Variants in OR2L13 observed in about 807,000 individuals in gnomAD.
OR2L13 encodes olfactory receptor 2L13.
In OR2L13, 14 loss-of-function variants were observed where a neutral mutation model predicts 15.3. The ratio of observed to expected loss-of-function variants is 0.91; its 90% confidence interval spans 0.60 to 1.43. The LOEUF is 1.43. Ranked by LOEUF, OR2L13 falls within the 40% of genes most tolerant of loss-of-function variation. OR2L13 has a pLI of 0.00. For missense variants in OR2L13, 367 were observed against 387.9 expected (o/e 0.95, Z 0.45); for synonymous variants, 152 against 142.9 (o/e 1.06, Z -0.45).
the OR2L13 span, chr1:248,021,928 A>G: frequency 6.3e-6 from 10 of 1,590,416 alleles, no homozygotes; most frequent in Non-Finnish European, 8.6e-6. Context: ...TCCCTTCAGG[A>G]AGGATCGTAT....
the OR2L13 span, among the ~76,000 whole-genome samples, chr1:248,025,745 T>G: frequency 6.6e-6 from 1 of 151,316 alleles, no homozygotes; most frequent in African/African-American, 2.5e-5. Flanking sequence ...GTGGCACATA[T>G]ACACCATGGA....
chr1:248,063,793 CGTGTGTGT>C, the OR2L13 span, among the ~76,000 whole-genome samples: 12 of 146,604 alleles, frequency 8.2e-5, no homozygotes, highest in African/African-American at 1.6e-4. Context: ...AAGATGTGTG[CGTGTGTGT>C]GTGTGTGTGT....
chr1:247,984,984 AT>A, the OR2L13 span, among the ~76,000 whole-genome samples: 1 of 152,002 alleles, frequency 6.6e-6, no homozygotes, highest in African/African-American at 2.4e-5. Flanking sequence ...TTCATACAAT[AT>A]TTGCCTCTTC....
At chr1:248,084,167 G>A in the OR2L13 span, 5 of 1,611,658 alleles carry the variant, frequency 3.1e-6, no homozygotes, top group Non-Finnish European at 4.2e-6. Context: ...AGGACGACAT[G>A]GTCATCCTCA....
chr1:247,946,133 G>A, the OR2L13 span, among the ~76,000 whole-genome samples: 1 of 152,084 alleles, frequency 6.6e-6, no homozygotes, highest in South Asian at 2.1e-4. Flanking sequence ...TAAAATGAGA[G>A]TGCAATTTTC....
the OR2L13 span, among the ~76,000 whole-genome samples, chr1:248,049,702 A>G: frequency 6.6e-6 from 1 of 152,306 alleles, no homozygotes; most frequent in Admixed American, 6.5e-5. Flanking sequence ...TACTTTCTCA[A>G]TTATTTAACA....
At chr1:247,975,461 T>A in the OR2L13 span, 1 of 780,452 alleles carries the variant, frequency 1.3e-6, no homozygotes, top group Non-Finnish European at 2.3e-6. Flanking sequence ...CTCACTGTAG[T>A]AATTTTCTAC....
chr1:247,965,471 C>G, the OR2L13 span: 2 of 1,613,826 alleles, frequency 1.2e-6, no homozygotes, highest in African/African-American at 2.7e-5. Flanking sequence ...GTCGTCATTG[C>G]CACCCTCTTT....
the OR2L13 span, chr1:248,022,923 A>G: frequency 3.2e-6 from 5 of 1,554,858 alleles, no homozygotes; most frequent in Admixed American, 5.7e-5. Flanking sequence ...CGCTAGGTTC[A>G]TATCAACTCA....
the OR2L13 span, chr1:248,003,469 C>G: frequency 6.2e-7 from 1 of 1,609,178 alleles, no homozygotes; most frequent in East Asian, 2.2e-5. Context: ...AAGCGCTACT[C>G]CTGATATCAA....
the OR2L13 span, among the ~76,000 whole-genome samples, chr1:248,056,801 C>T: frequency 2.7e-4 from 41 of 151,688 alleles, no homozygotes; most frequent in African/African-American, 5.8e-4. Context: ...GTACACGCCA[C>T]CATACTCGGC....
the OR2L13 span, among the ~76,000 whole-genome samples, chr1:248,020,417 T>C: frequency 6.6e-6 from 1 of 152,160 alleles, no homozygotes; most frequent in African/African-American, 2.4e-5. Context: ...TCAGCAGTTC[T>C]ATTCACCAAC....
the OR2L13 span, chr1:247,991,129 A>G: frequency 3.1e-6 from 5 of 1,606,452 alleles, no homozygotes; most frequent in South Asian, 5.5e-5. Context: ...CAACCCCATC[A>G]TCTACAGCCT....
the OR2L13 span, among the ~76,000 whole-genome samples, chr1:247,992,881 G>A: frequency 5.3e-5 from 8 of 152,296 alleles, no homozygotes; most frequent in South Asian, 1.5e-3. Context: ...GTGTGTGTGT[G>A]TGTGTATACA....
At chr1:247,951,862 AC>A in the OR2L13 span, among the ~76,000 whole-genome samples, 4 of 152,200 alleles carry the variant, frequency 2.6e-5, no homozygotes, top group Admixed American at 2.6e-4. Flanking sequence ...CTTGGACCCT[AC>A]TGCCACCTGC....
chr1:248,073,469 A>T, the OR2L13 span, among the ~76,000 whole-genome samples: 1 of 151,124 alleles, frequency 6.6e-6, no homozygotes, highest in Non-Finnish European at 1.5e-5. Context: ...CACTCTGAGG[A>T]CTGTTGTGGG....
the OR2L13 span, chr1:247,974,709 G>C: frequency 4.3e-6 from 1 of 231,982 alleles, no homozygotes; most frequent in Non-Finnish European, 9.8e-6. Context: ...TTATCTTTCT[G>C]CCGCCCTGCA....
chr1:248,062,546 G>A, the OR2L13 span: 20 of 152,200 alleles, frequency 1.3e-4, no homozygotes, highest in African/African-American at 4.8e-4. Context: ...ATAGAGAAGA[G>A]ACTGATGGTC....
At chr1:248,078,962 A>G in the OR2L13 span, among the ~76,000 whole-genome samples, 104,831 of 151,566 alleles carry the variant, frequency 0.69, 41,338 homozygotes, top group South Asian at 0.9. Context: ...TGGTCTCCAG[A>G]CGTTAGGAGG....
Sources: allele counts gnomAD v4.1 joint callset (sites outside exome capture counted in the v4.1 genomes callset), GRCh38; gene constraint gnomAD v4.1.1; transcripts MANE v1.5; gene names NCBI Gene and HGNC (gene_info 2026-07-23, HGNC 2026-07-21).